MYH11: variants seen among roughly 807,000 people sequenced by gnomAD.
MYH11 encodes the protein myosin-11.
Under a neutral mutation model 246.6 loss-of-function variants are expected in MYH11, and 80 were observed. The observed-to-expected ratio is 0.32, with a 90% CI of 0.27 to 0.39. The LOEUF (loss-of-function observed/expected upper bound fraction) is 0.39, where lower values mean the gene tolerates loss of function less well. Among genes scored for constraint, MYH11 ranks in the 10% least tolerant of loss-of-function variants. The pLI, the probability that MYH11 is intolerant of heterozygous loss-of-function variation, is 1.00. For missense variants in MYH11, 2,158 were observed against 2,546.8 expected (o/e 0.85, Z 3.29); for synonymous variants, 1,071 against 1,015.5 (o/e 1.05, Z -1.04).
At chr16:15,783,654 A>G (rs1034341489) in intron 5 of MYH11, 1 of 152,172 alleles carries the variant, frequency 6.6e-6, no homozygotes, top group African/African-American at 2.4e-5. Flanking sequence ...GAAGACGACT[A>G]AAGGAATCAC....
intron 4 of MYH11, among the ~76,000 whole-genome samples, chr16:15,796,091 A>C (rs1319023463): frequency 1.3e-5 from 2 of 152,156 alleles, no homozygotes; most frequent in African/African-American, 4.8e-5. Context: ...AGGTGACGGG[A>C]CCCTGAACTA....
chr16:15,704,963 G>A (rs2039370161), intron 40 of MYH11, among the ~76,000 whole-genome samples: 1 of 152,118 alleles, frequency 6.6e-6, no homozygotes, highest in South Asian at 2.1e-4. Flanking sequence ...ACAGGCGTGG[G>A]CCACCACACC....
chr16:15,722,125 C>T (rs1023089549), intron 31 of MYH11, among the ~76,000 whole-genome samples: 3 of 152,070 alleles, frequency 2.0e-5, no homozygotes, highest in African/African-American at 7.3e-5. Context: ...TCCCAAAGCA[C>T]GGAGATTACA....
At chr16:15,790,390 C>T (rs1222046226) in intron 4 of MYH11, among the ~76,000 whole-genome samples, 1 of 152,100 alleles carries the variant, frequency 6.6e-6, no homozygotes, top group Non-Finnish European at 1.5e-5. Flanking sequence ...TATGGTCTCC[C>T]ACTTTGCCTG....
In MYH11 at chr16:15,711,736, A is replaced by G. The variant is rs1314381084; in HGVS notation, c.5786+3173T>C. ...GAGACCGAGTTTTGGTCTGTCACCC[A>G]GGCTGAAGTGCAGTGGTGCGATCTC... On this transcript the variant is annotated intron_variant, in intron 40 of 40. Coordinates refer to ENST00000300036, the MANE Select transcript of MYH11 (RefSeq NM_002474.3). Among the ~76,000 whole-genome samples, 13 of 152,176 alleles carry G rather than the reference A, an allele frequency of 8.5e-5. No homozygotes were observed. In the East Asian group the frequency reaches 2.3e-3, roughly 27 times the overall value.
At chr16:15,833,807 G>T (rs183811808) in intron 2 of MYH11, among the ~76,000 whole-genome samples, 7 of 152,276 alleles carry the variant, frequency 4.6e-5, no homozygotes, top group African/African-American at 1.4e-4. Context: ...CATGCATGCT[G>T]CTATTATGGG....
At chr16:15,747,539 G>A (rs948333051) in intron 19 of MYH11, 31 bp downstream of exon 19, 2 of 1,613,890 alleles carry the variant, frequency 1.2e-6, no homozygotes, top group African/African-American at 2.7e-5. Context: ...ATTCGCGTTT[G>A]AGGTATTAGG....
At chr16:15,810,538 A>G (rs368089954) in intron 3 of MYH11, among the ~76,000 whole-genome samples, 1 of 152,240 alleles carries the variant, frequency 6.6e-6, no homozygotes, top group Middle Eastern at 3.4e-3. Context: ...ACAGTCCCCC[A>G]TCATTCCCAA....
chr16:15,725,023 G>C, intron 28 of MYH11, 31 bp from the exon 29 acceptor site: 1 of 1,591,740 alleles, frequency 6.3e-7, no homozygotes, highest in Non-Finnish European at 8.6e-7. Context: ...GTTAGTCAAA[G>C]CCTCTAGAAG....
chr16:15,738,824 T>C (rs1263778958), intron 23 of MYH11, 136 bp from the exon 24 acceptor site: 2 of 1,067,874 alleles, frequency 1.9e-6, no homozygotes, highest in Admixed American at 2.5e-5. Flanking sequence ...GAGTTTTAAA[T>C]GGTAAAGAGA....
intron 16 of MYH11, 26 bp from the exon 17 acceptor site, chr16:15,748,194 A>G (rs1239197337): frequency 6.2e-7 from 1 of 1,612,536 alleles, no homozygotes; most frequent in Admixed American, 1.7e-5. Context: ...AGGGCAGTGG[A>G]TCCCTGGGGC....
intron 3 of MYH11, among the ~76,000 whole-genome samples, chr16:15,803,278 A>ATTTT (rs59001579): frequency 7.7e-5 from 11 of 143,608 alleles, no homozygotes; most frequent in Non-Finnish European, 1.5e-4. Flanking sequence ...AACCAGTTTA[A>ATTTT]TTTTTTTTTT....
intron 3 of MYH11, among the ~76,000 whole-genome samples, chr16:15,820,475 G>GAAAA (rs199534515): frequency 1.9e-5 from 2 of 104,322 alleles, no homozygotes; most frequent in Non-Finnish European, 3.9e-5. Context: ...ACTCCATCCG[G>GAAAA]AAAAAAAAAA....
chr16:15,781,561 C>T (rs11866891), intron 6 of MYH11, among the ~76,000 whole-genome samples: 31,524 of 152,072 alleles, frequency 0.21, 3,486 homozygotes, highest in Middle Eastern at 0.24. Context: ...GACCCTCCTA[C>T]GGAGACAACC....
intron 8 of MYH11, 47 bp downstream of exon 8, chr16:15,776,031 A>T (rs761964595): frequency 7.3e-7 from 1 of 1,367,736 alleles, no homozygotes; most frequent in South Asian, 1.2e-5. Context: ...TTCTGATGAA[A>T]GGGAAGGCTC....
chr16:15,729,620 G>A (rs990942991), intron 27 of MYH11, among the ~76,000 whole-genome samples: 3 of 150,100 alleles, frequency 2.0e-5, no homozygotes, highest in African/African-American at 7.4e-5. Context: ...GCACAATCTT[G>A]GCTCACTGCA....
intron 3 of MYH11, among the ~76,000 whole-genome samples, chr16:15,806,548 T>C (rs1335110466): frequency 6.6e-6 from 1 of 152,206 alleles, no homozygotes; most frequent in Non-Finnish European, 1.5e-5. Context: ...ATTTAGACAG[T>C]TATGCAGACA....
At chr16:15,833,249 A>G (rs1041448119) in intron 2 of MYH11, among the ~76,000 whole-genome samples, 3 of 151,734 alleles carry the variant, frequency 2.0e-5, no homozygotes, top group African/African-American at 7.3e-5. Flanking sequence ...GTGAGCTGAG[A>G]TCATGCCACT....
intron 27 of MYH11, among the ~76,000 whole-genome samples, chr16:15,729,430 G>C (rs922158779): frequency 6.6e-6 from 1 of 152,052 alleles, no homozygotes; most frequent in African/African-American, 2.4e-5. Context: ...TAATAACTGC[G>C]TCTTCCCAAA....
Sources: allele counts gnomAD v4.1 joint callset (sites outside exome capture counted in the v4.1 genomes callset), GRCh38; gene constraint gnomAD v4.1.1; transcripts MANE v1.5; gene names NCBI Gene and HGNC (gene_info 2026-07-23, HGNC 2026-07-21).